TNC: variants seen among roughly 807,000 people sequenced by gnomAD.
The protein encoded by TNC is tenascin.
Under a neutral mutation model 202.4 loss-of-function variants are expected in TNC, and 109 were observed. The ratio of observed to expected loss-of-function variants is 0.54; its 90% confidence interval spans 0.46 to 0.63. The LOEUF is 0.63. Among genes scored for constraint, TNC ranks in the 30% least tolerant of loss-of-function variants. The pLI, the probability that TNC is intolerant of heterozygous loss-of-function variation, is 0.00. For missense variants in TNC, 2,756 were observed against 2,833.3 expected (o/e 0.97, Z 0.62); for synonymous variants, 1,007 against 1,089.7 (o/e 0.92, Z 1.50).
intron 25 of TNC, among the ~76,000 whole-genome samples, chr9:115,027,822 C>T (rs966602190): frequency 9.2e-5 from 14 of 152,062 alleles, no homozygotes; most frequent in African/African-American, 2.9e-4. Flanking sequence ...TTCAGCTCAA[C>T]TGTTCATTGG....
At chr9:115,060,445 AC>A (rs1832459207) in intron 13 of TNC, among the ~76,000 whole-genome samples, 1 of 152,124 alleles carries the variant, frequency 6.6e-6, no homozygotes, top group Non-Finnish European at 1.5e-5. Context: ...TCTCTGAGCC[AC>A]CCTCTCTTTA....
In TNC at chr9:115,085,847, T is replaced by A. The variant is rs1255963309; in HGVS notation, c.1867+17A>T. The A allele has an allele frequency of 1.9e-6, 3 of 1,590,666 alleles. No individual in the cohort carries two copies. Among genetic ancestry groups the A allele is most frequent in the South Asian group, 2.2e-5 (2 of 89,136 alleles). On this transcript the variant is annotated intron_variant, in intron 3 of 27. Transcript: ENST00000350763. ...CCATCATGGCCATTATATGCTGGTCTGCGCCCTGGCACTCACCCTCTGAGC... is the reference window on the plus strand; with the variant it reads ...CCATCATGGCCATTATATGCTGGTCAGCGCCCTGGCACTCACCCTCTGAGC...
At chr9:115,036,812 C>T (rs1342793248) in intron 20 of TNC, among the ~76,000 whole-genome samples, 1 of 152,196 alleles carries the variant, frequency 6.6e-6, no homozygotes, top group African/African-American at 2.4e-5. Flanking sequence ...TGTTTATTTC[C>T]TATTCACAGG....
intron 24 of TNC, 95 bp downstream of exon 24, chr9:115,030,159 T>A: frequency 7.8e-7 from 1 of 1,284,742 alleles, no homozygotes; most frequent in African/African-American, 1.5e-5. Flanking sequence ...GGTGTCAGAG[T>A]GCATCAGGAG....
At chr9:115,069,606 CCCTCCCTCCCTCT>C (rs1564466916) in intron 10 of TNC, among the ~76,000 whole-genome samples, 314 of 20,488 alleles carry the variant, frequency 0.015, 26 homozygotes, top group Non-Finnish European at 0.023. Context: ...CTTCCTCCCT[CCCTCCCTCCCTCT>C]CTCCCTCCCT....
At chr9:115,060,319 G>A (rs1832451864) in intron 13 of TNC, among the ~76,000 whole-genome samples, 1 of 152,166 alleles carries the variant, frequency 6.6e-6, no homozygotes, top group Non-Finnish European at 1.5e-5. Context: ...TTGTGGGTTA[G>A]GGTAAGAGAT....
chr9:115,035,897 G>T (rs1200649710), intron 21 of TNC: 4 of 594,264 alleles, frequency 6.7e-6, no homozygotes, highest in African/African-American at 5.5e-5. Context: ...GGAGACCAAG[G>T]TCATTTCAGT....
At chr9:115,085,245 A>G (rs1834618996) in intron 3 of TNC, among the ~76,000 whole-genome samples, 1 of 152,228 alleles carries the variant, frequency 6.6e-6, no homozygotes, top group Non-Finnish European at 1.5e-5. Context: ...TGCAGTCTTT[A>G]GGATTAAAAA....
Position 115,086,236 on chromosome 9 carries a change from G to A in TNC, c.1495C>T (p.Arg499Cys), listed in dbSNP as rs773953939. 8.1e-6 allele frequency: 13 copies of A among 1,614,178 alleles called. No homozygotes were observed. The highest frequency in any genetic ancestry group is 4.5e-5 in the East Asian group (2 of 44,880). The change falls in exon 3 of 28, where the codon CGC becomes TGC. Residue 499 changes from arginine to cysteine, a missense_variant. This residue lies in a region of TNC where 2,559 missense variants were observed against 2,546.0 expected (regional missense o/e 1.01). Transcript: ENST00000350763. ...TTGCTGCAGTCCCTGGGGCATTGGC[G>A]ATCCCGGCAGTCTTCCCCTGTGTAG... is the stretch of plus-strand genomic sequence containing the variant. ...DGYTGEDCRD[R>C]QCPRDCSNRG... is the part of the protein sequence containing the mutation.
Position 115,081,812 on chromosome 9 carries a change from G to A in TNC, c.2364C>T (p.Asn788=). Residue 788 remains asparagine, a synonymous_variant, in exon 6 of 28, where the codon AAC becomes AAT. Coordinates refer to ENST00000350763, the MANE Select transcript of TNC (RefSeq NM_002160.4). The part of the protein sequence containing the change: ...EYEISLHIVK[N]NTRGPGLKRV... ...TCTTCAGGCCAGGGCCCCGGGTATT[G>A]TTTTTCACTATGTGCAGAGATATCT... 9.9e-6 allele frequency: 16 copies of A among 1,613,548 alleles called. No individual in the cohort carries two copies. Among genetic ancestry groups the A allele is most frequent in the Admixed American group, 1.7e-5 (1 of 59,866 alleles).
rs1830238758 is a variant in TNC at position 115,035,298 on chromosome 9, A to T, written c.5693T>A (p.Val1898Asp). ...DSPRDLTATE[V>D]QSETALLTWR... Reference sequence around the variant, plus strand: ...GGTAAGGAGGGCAGTTTCCGACTGAACCTCAGTAGCAGTCAAGTCTCTTGG... The same window carrying T: ...GGTAAGGAGGGCAGTTTCCGACTGATCCTCAGTAGCAGTCAAGTCTCTTGG... The change falls in exon 22 of 28, where the codon GTT (valine) becomes GAT (aspartate). Residue 1898 changes from valine to aspartate, a missense_variant. Coordinates refer to ENST00000350763, the MANE Select transcript of TNC (RefSeq NM_002160.4). 6.2e-7 allele frequency: 1 copy of T among 1,613,502 alleles called. No individual in the cohort carries two copies. Among genetic ancestry groups the T allele is most frequent in the East Asian group, 2.2e-5 (1 of 44,794 alleles).
In TNC at chr9:115,057,307, G is replaced by A. The variant is rs1832206927; in HGVS notation, c.4425C>T (p.Ser1475=). 6.2e-7 allele frequency: 1 copy of A among 1,614,044 alleles called. No homozygotes were observed. Among genetic ancestry groups the A allele is most frequent in the South Asian group, 1.1e-5 (1 of 91,068 alleles). Residue 1475 remains serine, a synonymous_variant, in exon 15 of 28, where the codon TCC becomes TCT. Transcript: ENST00000350763. ...FETFTIEIID[S]NRLLETVEYN... is the part of the protein sequence containing the mutation. ...ATTCCACAGTCTCCAGCAACCTATT[G>A]GAATCAATAATTTCAATGGTAAAGG...
intron 1 of TNC, among the ~76,000 whole-genome samples, chr9:115,102,343 T>C (rs1836298943): frequency 6.6e-6 from 1 of 152,158 alleles, no homozygotes; most frequent in Admixed American, 6.5e-5. Context: ...AAGTAGACCA[T>C]TAAGATGCCA....
intron 6 of TNC, among the ~76,000 whole-genome samples, chr9:115,080,638 C>T (rs1187113830): frequency 1.3e-5 from 2 of 152,074 alleles, no homozygotes; most frequent in East Asian, 1.9e-4. Flanking sequence ...CAGCTGTGCA[C>T]GGTGGCTCAC....
chr9:115,086,180 G>C lies in TNC; in HGVS notation c.1551C>G (p.Val517=), dbSNP rs762511942. The C allele has an allele frequency of 1.2e-6, 2 of 1,614,136 alleles. No homozygotes were observed. Among genetic ancestry groups the C allele is most frequent in the Non-Finnish European group, 1.7e-6 (2 of 1,180,034 alleles). The change falls in exon 3 of 28, where the codon GTC becomes GTG. Residue 517 remains valine (V), a synonymous_variant. Coordinates refer to ENST00000350763, the MANE Select transcript of TNC (RefSeq NM_002160.4). ...CAGGGCCGGTGAAGCCGTCCTCACA[G>C]ACGCACTGTCCGTCCACACAGAGGC... is the stretch of plus-strand genomic sequence containing the variant. ...NRGLCVDGQC[V]CEDGFTGPDC...
At chr9:115,101,377 A>G (rs1044672558) in intron 1 of TNC, among the ~76,000 whole-genome samples, 3 of 152,064 alleles carry the variant, frequency 2.0e-5, no homozygotes, top group Admixed American at 2.0e-4. Flanking sequence ...ACGCTCAGCT[A>G]ACTTTTTGTA....
intron 7 of TNC, among the ~76,000 whole-genome samples, chr9:115,077,702 T>A (rs1833982360): frequency 6.6e-6 from 1 of 152,212 alleles, no homozygotes; most frequent in Non-Finnish European, 1.5e-5. Flanking sequence ...TCTGAGAATA[T>A]CAGACCAGCA....
chr9:115,082,404 T>C (rs1214591428), intron 5 of TNC, among the ~76,000 whole-genome samples: 2 of 152,212 alleles, frequency 1.3e-5, no homozygotes, highest in Non-Finnish European at 1.5e-5. Flanking sequence ...GTTTCTTCTC[T>C]TCTTTGCCTC....
intron 20 of TNC, among the ~76,000 whole-genome samples, chr9:115,036,686 G>A (rs897769473): frequency 6.6e-6 from 1 of 152,170 alleles, no homozygotes; most frequent in Non-Finnish European, 1.5e-5. Context: ...ATTAGGCTGA[G>A]GGGTCACAAA....
Sources: gnomAD v4.1 joint callset for allele counts (sites outside exome capture counted in the v4.1 genomes callset) on GRCh38, gnomAD v4.1.1 for gene constraint, gnomAD v4.1.1 regional missense constraint, MANE v1.5 for transcripts, NCBI Gene and HGNC (gene_info 2026-07-23, HGNC 2026-07-21) for gene names.